Variants in AATF observed in about 807,000 individuals in gnomAD.
AATF encodes apoptosis antagonizing transcription factor.
Under a neutral mutation model 63.7 loss-of-function variants are expected in AATF, and 48 were observed. That is an observed-to-expected ratio of 0.75 (90% CI 0.60 to 0.96). The LOEUF is 0.96. Among genes scored for constraint, AATF ranks in the 40% least tolerant of loss-of-function variants. AATF has a pLI of 0.00. For missense variants in AATF, 639 were observed against 685.7 expected, an observed-to-expected ratio of 0.93 and a Z score of 0.76; for synonymous variants, 258 against 247.7, an observed-to-expected ratio of 1.04 and a Z score of -0.39.
At chr17:36,976,508 T>C (rs1033428144) in intron 4 of AATF, among the ~76,000 whole-genome samples, 6 of 152,182 alleles carry the variant, frequency 3.9e-5, no homozygotes, top group African/African-American at 1.4e-4. Flanking sequence ...ATAAAGACAG[T>C]ACTATACATA....
In AATF at chr17:36,950,216, A is replaced by G. The variant is rs2070842451; in HGVS notation, c.94A>G (p.Thr32Ala). ...ADPEADPEEA[T>A]AARVIDRFDE... Reference sequence around the variant, plus strand: ...TACTTTTCCCTCTCCCCCGACAGCCACTGCTGCCAGGGTGATTGACAGGTT... The same window carrying G: ...TACTTTTCCCTCTCCCCCGACAGCCGCTGCTGCCAGGGTGATTGACAGGTT... The change falls in exon 2 of 12, where the codon ACT (threonine) becomes GCT (alanine). Residue 32 changes from threonine to alanine, a missense_variant and splice_region_variant. Thr to Ala is a moderately conservative substitution (Grantham distance 58). Coordinates refer to ENST00000619387, the MANE Select transcript of AATF (RefSeq NM_012138.4). 1.9e-6 allele frequency: 3 copies of G among 1,611,742 alleles called. No individual in the cohort carries two copies. The highest frequency in any genetic ancestry group is 1.3e-5 in the African/African-American group (1 of 75,004).
chr17:37,002,629 G>A (rs28864480), intron 8 of AATF, among the ~76,000 whole-genome samples: 1,888 of 150,540 alleles, frequency 0.013, 40 homozygotes, highest in African/African-American at 0.043. Flanking sequence ...CCAAGATAAC[G>A]CCACTGCAGT....
chr17:37,017,541 A>T (rs2071437744), intron 8 of AATF, among the ~76,000 whole-genome samples: 1 of 152,142 alleles, frequency 6.6e-6, no homozygotes, highest in Non-Finnish European at 1.5e-5. Context: ...GAAGTAGGAG[A>T]GATAAACTGA....
chr17:37,030,028 G>GTT (rs5820202), intron 10 of AATF, among the ~76,000 whole-genome samples: 18 of 151,564 alleles, frequency 1.2e-4, no homozygotes, highest in Admixed American at 1.1e-3. Flanking sequence ...GTGTGGTTTG[G>GTT]TTTTTTTTCA....
At chr17:36,993,111 G>A (rs529039965) in intron 8 of AATF, among the ~76,000 whole-genome samples, 1 of 152,234 alleles carries the variant, frequency 6.6e-6, no homozygotes, top group Non-Finnish European at 1.5e-5. Flanking sequence ...TCTAAATATG[G>A]TGCTTAGAAC....
chr17:37,000,807 T>TA (rs2071288361), intron 8 of AATF, among the ~76,000 whole-genome samples: 1 of 152,040 alleles, frequency 6.6e-6, no homozygotes, highest in South Asian at 2.1e-4. Flanking sequence ...TAAGAGAGAA[T>TA]AAAGGAAGAG....
At chr17:36,983,346 G>GT (rs2071141994) in intron 4 of AATF, among the ~76,000 whole-genome samples, 1 of 150,454 alleles carries the variant, frequency 6.6e-6, no homozygotes, top group South Asian at 2.1e-4. Context: ...TCAGGCCTTA[G>GT]TTTTTTTGTT....
intron 4 of AATF, among the ~76,000 whole-genome samples, chr17:36,975,720 T>C (rs1409364195): frequency 6.6e-6 from 1 of 152,230 alleles, no homozygotes; most frequent in Non-Finnish European, 1.5e-5. Context: ...TATAAAACTT[T>C]GATACGTTTT....
chr17:37,022,113 C>CGTGTGTGTGT (rs71159679), intron 10 of AATF, among the ~76,000 whole-genome samples: 1,634 of 145,410 alleles, frequency 0.011, 28 homozygotes, highest in African/African-American at 0.038. Flanking sequence ...TGGTAACTGC[C>CGTGTGTGTGT]GTGTGTGTGT....
At chr17:36,953,963 A>C in intron 4 of AATF, 56 bp downstream of exon 4, 1 of 1,570,698 alleles carries the variant, frequency 6.4e-7, no homozygotes, top group Non-Finnish European at 8.7e-7. Flanking sequence ...AAATGAAGAC[A>C]GCTTTGATTG....
At chr17:36,960,018 T>G (rs192185579) in intron 4 of AATF, among the ~76,000 whole-genome samples, 2 of 149,912 alleles carry the variant, frequency 1.3e-5, no homozygotes, top group African/African-American at 5.1e-5. Context: ...AGACTAAAAT[T>G]TTTTTCCCCC....
intron 4 of AATF, among the ~76,000 whole-genome samples, chr17:36,959,111 C>G (rs1300940164): frequency 6.6e-6 from 1 of 151,172 alleles, no homozygotes; most frequent in Non-Finnish European, 1.5e-5. Context: ...CGCCACTGCA[C>G]TCCAGCCTGG....
intron 11 of AATF, chr17:37,056,369 A>G (rs1038882485): frequency 4.2e-5 from 22 of 527,196 alleles, no homozygotes; most frequent in Non-Finnish European, 5.7e-5. Context: ...CAGAACACTC[A>G]TTCCCTGGAG....
chr17:36,990,978 C>T (rs2071210332), intron 8 of AATF, 121 bp downstream of exon 8: 2 of 592,746 alleles, frequency 3.4e-6, no homozygotes, highest in East Asian at 3.2e-5. Flanking sequence ...TGAGTTAGAA[C>T]TCCCGCGTTC....
intron 3 of AATF, 90 bp from the exon 4 acceptor site, chr17:36,953,680 G>A (rs538837247): frequency 8.2e-7 from 1 of 1,222,658 alleles, no homozygotes; most frequent in East Asian, 2.3e-5. Flanking sequence ...CTTAGAGACT[G>A]GTGTGGTTTC....
chr17:37,056,697 T>C lies in AATF; in HGVS notation c.*33T>C. The C allele has an allele frequency of 6.2e-7, 1 of 1,611,562 alleles. No individual in the cohort carries two copies. Among genetic ancestry groups the C allele is most frequent in the Non-Finnish European group, 8.5e-7 (1 of 1,177,786 alleles). On this transcript the variant is annotated 3_prime_UTR_variant, in exon 12 of 12. Transcript: ENST00000619387. ...CACCTCCGACACCCAGTGGGCGCCTTGGCTGGTGCGGCTGCTGGTCCAGAT... is the reference window on the plus strand; with the variant it reads ...CACCTCCGACACCCAGTGGGCGCCTCGGCTGGTGCGGCTGCTGGTCCAGAT...
Position 37,035,475 on chromosome 17 carries a change from C to T in AATF, c.1619+3790C>T, listed in dbSNP as rs180733931. On this transcript the variant is annotated intron_variant, in intron 11 of 11. Transcript: ENST00000619387. The stretch of plus-strand genomic sequence containing the variant: ...TGGTGTAAGGAAAAATGCACCTTTG[C>T]ATACTGTTTTTGGAAATGTAATTGG... Among the ~76,000 whole-genome samples the T allele has an allele frequency of 5.1e-4, 77 of 151,708 alleles. 1 individual carries two copies. The highest frequency in any genetic ancestry group is 1.8e-3 in the African/African-American group (74 of 41,376).
Position 36,951,218 on chromosome 17 carries a change from T to C in AATF, c.283+813T>C, listed in dbSNP as rs563526923. On this transcript the variant is annotated intron_variant, in intron 2 of 11. Transcript: ENST00000619387. ...TGTCATGTTGAGAATCCACAGATAA[T>C]ATAAAAGGAACTATCATTTAGGTTA... is the stretch of plus-strand genomic sequence containing the variant. 1.3e-4 allele frequency among the ~76,000 whole-genome samples: 20 copies of C among 152,300 alleles called. No homozygotes were observed. The South Asian group carries it at 2.9e-3, about 22-fold the overall frequency.
At chr17:36,968,270 C>CTTTTTTTTTTTTTT (rs3049638) in intron 4 of AATF, among the ~76,000 whole-genome samples, 3 of 23,790 alleles carry the variant, frequency 1.3e-4, no homozygotes, top group African/African-American at 4.9e-4. Flanking sequence ...TTCCTTCTTT[C>CTTTTTTTTTTTTTT]TTTTTTTTTT....
Sources: allele counts gnomAD v4.1 joint callset (sites outside exome capture counted in the v4.1 genomes callset), GRCh38; gene constraint gnomAD v4.1.1; transcripts MANE v1.5; gene names NCBI Gene and HGNC (gene_info 2026-07-23, HGNC 2026-07-21).